Variants in CCDC73 observed in about 807,000 individuals in gnomAD.
CCDC73 encodes coiled-coil domain-containing protein 73.
CCDC73 carries 95 observed loss-of-function variants against 116.5 expected under a neutral mutation model. The ratio of observed to expected loss-of-function variants is 0.82; its 90% confidence interval spans 0.69 to 0.97. The LOEUF (loss-of-function observed/expected upper bound fraction) is 0.97, where lower values mean the gene tolerates loss of function less well. Among genes scored for constraint, CCDC73 ranks in the 50% least tolerant of loss-of-function variants. The pLI, the probability that CCDC73 is intolerant of heterozygous loss-of-function variation, is 0.00. For missense variants in CCDC73, 1,066 were observed against 1,206.8 expected, an observed-to-expected ratio of 0.88 and a Z score of 1.73; for synonymous variants, 398 against 401.3, an observed-to-expected ratio of 0.99 and a Z score of 0.10.
At chr11:32,739,992 T>C (rs1047170055) in intron 2 of CCDC73, among the ~76,000 whole-genome samples, 2 of 152,168 alleles carry the variant, frequency 1.3e-5, no homozygotes, top group Non-Finnish European at 2.9e-5. Context: ...TTGATTTGCA[T>C]ATGTGGAAAC....
intron 1 of CCDC73, among the ~76,000 whole-genome samples, chr11:32,792,794 G>C (rs758483291): frequency 1.3e-5 from 2 of 152,212 alleles, no homozygotes; most frequent in Middle Eastern, 3.2e-3. Flanking sequence ...TCCACCACTT[G>C]TCGGCTGTGT....
At chr11:32,658,849 T>C (rs1321344132) in intron 9 of CCDC73, among the ~76,000 whole-genome samples, 1 of 151,910 alleles carries the variant, frequency 6.6e-6, no homozygotes, top group Non-Finnish European at 1.5e-5. Context: ...TCAAAGATGA[T>C]TCTAGAGTGA....
At chr11:32,632,558 G>T (rs1046596866) in intron 14 of CCDC73, among the ~76,000 whole-genome samples, 1 of 152,000 alleles carries the variant, frequency 6.6e-6, no homozygotes, top group African/African-American at 2.4e-5. Flanking sequence ...TGTCAATTAG[G>T]CCAAGTTAGT....
At chr11:32,683,649 C>T (rs539078256) in intron 6 of CCDC73, 75 bp from the exon 7 acceptor site, 46 of 873,754 alleles carry the variant, frequency 5.3e-5, no homozygotes, top group Middle Eastern at 3.6e-4. Flanking sequence ...ATCAAAAGTG[C>T]GTGCTATAAA....
intron 2 of CCDC73, among the ~76,000 whole-genome samples, chr11:32,744,462 G>A (rs1469641519): frequency 6.6e-6 from 1 of 152,052 alleles, no homozygotes; most frequent in Non-Finnish European, 1.5e-5. Flanking sequence ...TCTATTGATC[G>A]GAATAGTTTC....
intron 6 of CCDC73, among the ~76,000 whole-genome samples, chr11:32,688,040 T>G (rs1856219387): frequency 6.6e-6 from 1 of 152,196 alleles, no homozygotes; most frequent in Admixed American, 6.5e-5. Context: ...ACTATGAGTC[T>G]ATATTGATAT....
chr11:32,635,625 A>T, intron 14 of CCDC73, 71 bp downstream of exon 14: 3 of 1,190,520 alleles, frequency 2.5e-6, no homozygotes, highest in Non-Finnish European at 3.2e-6. Flanking sequence ...AGTATAAAAC[A>T]GGGAAAAAAA....
intron 12 of CCDC73, among the ~76,000 whole-genome samples, chr11:32,642,538 AGTATAACTTAAATATTTACCAT>A (rs1855742697): frequency 6.6e-6 from 1 of 152,002 alleles, no homozygotes. Context: ...ACACTTTTTA[AGTATAACTTAAATATTTACCAT>A]ATTAACTTAA....
chr11:32,780,910 T>A (rs1850577611), intron 1 of CCDC73, among the ~76,000 whole-genome samples: 2 of 152,116 alleles, frequency 1.3e-5, no homozygotes, highest in African/African-American at 2.4e-5. Context: ...AACCACTATA[T>A]TATAGTGCCT....
intron 2 of CCDC73, among the ~76,000 whole-genome samples, chr11:32,736,530 T>C: frequency 6.6e-6 from 1 of 152,086 alleles, no homozygotes; most frequent in Non-Finnish European, 1.5e-5. Context: ...GGAGAGGACG[T>C]GGAGAAATAG....
In CCDC73 at chr11:32,614,305, T is replaced by A. The variant is rs1000075868; in HGVS notation, c.2013A>T (p.Lys671Asn). The change falls in exon 16 of 18, where the codon AAA becomes AAT. Residue 671 changes from lysine to asparagine, a missense_variant. Lys to Asn is a moderately conservative substitution (Grantham distance 94). Transcript: ENST00000335185. Reference protein sequence around the residue: ...KIKQIQLLTKKSECSILLSKQ... With the variant: ...KIKQIQLLTKNSECSILLSKQ... ...TAGAAAGTAATATGCTGCACTCACT[T>A]TTTTTAGTTAACAGTTGTATTTGTT... 3.1e-6 allele frequency: 5 copies of A among 1,612,926 alleles called. No homozygotes were observed. Among genetic ancestry groups the A allele is most frequent in the Non-Finnish European group, 4.2e-6 (5 of 1,179,350 alleles).
At chr11:32,772,044 G>C (rs2133387653) in intron 1 of CCDC73, among the ~76,000 whole-genome samples, 1 of 152,264 alleles carries the variant, frequency 6.6e-6, no homozygotes, top group Non-Finnish European at 1.5e-5. Flanking sequence ...ACAAACTCAG[G>C]TGCAGTTGCA....
At chr11:32,655,207 T>C (rs274472) in intron 9 of CCDC73, among the ~76,000 whole-genome samples, 7,796 of 152,088 alleles carry the variant, frequency 0.051, 286 homozygotes, top group Non-Finnish European at 0.076. Context: ...TTAAAAGGAG[T>C]GTACTAACAA....
chr11:32,610,151 C>T (rs749304933), intron 17 of CCDC73, among the ~76,000 whole-genome samples: 3 of 152,044 alleles, frequency 2.0e-5, no homozygotes, highest in Non-Finnish European at 4.4e-5. Context: ...GGGAAACTCC[C>T]ATTTTTAAAA....
At chr11:32,718,354 G>A (rs1013961374) in intron 2 of CCDC73, among the ~76,000 whole-genome samples, 2 of 152,140 alleles carry the variant, frequency 1.3e-5, no homozygotes, top group African/African-American at 2.4e-5. Context: ...ATAGAGACAG[G>A]TGCCTAGAGA....
chr11:32,713,460 G>T (rs1849919112), intron 3 of CCDC73, among the ~76,000 whole-genome samples: 1 of 151,978 alleles, frequency 6.6e-6, no homozygotes, highest in Admixed American at 6.6e-5. Flanking sequence ...TTAGGGGATG[G>T]TTATCATAAA....
chr11:32,815,218 G>A, the CCDC73 span, among the ~76,000 whole-genome samples: 1 of 152,026 alleles, frequency 6.6e-6, no homozygotes, highest in Non-Finnish European at 1.5e-5. Context: ...CATTGAAAAG[G>A]AGAAGAAAAA....
upstream of CCDC73, among the ~76,000 whole-genome samples, chr11:32,796,712 T>C (rs983983822): frequency 2.6e-5 from 4 of 151,954 alleles, no homozygotes; most frequent in Non-Finnish European, 5.9e-5. Context: ...GTGATGCCCT[T>C]ATAAAGGGGT....
chr11:32,710,785 T>C (rs1849893978), intron 3 of CCDC73, among the ~76,000 whole-genome samples: 1 of 152,174 alleles, frequency 6.6e-6, no homozygotes, highest in Non-Finnish European at 1.5e-5. Context: ...CAGTGGAGTA[T>C]TAAAGTCCCC....
Sources: allele counts gnomAD v4.1 joint callset (sites outside exome capture counted in the v4.1 genomes callset), GRCh38; gene constraint gnomAD v4.1.1; transcripts MANE v1.5; gene names NCBI Gene and HGNC (gene_info 2026-07-23, HGNC 2026-07-21).